HCRTR2: variants seen among roughly 807,000 people sequenced by gnomAD.
HCRTR2 encodes the protein hypocretin receptor 2.
HCRTR2 carries 22 observed loss-of-function variants against 49.0 expected under a neutral mutation model. The observed-to-expected ratio is 0.45, with a 90% CI of 0.32 to 0.64. The LOEUF (loss-of-function observed/expected upper bound fraction) is 0.64. HCRTR2 is among the 30% of genes least tolerant of loss of function. The probability of loss-of-function intolerance (pLI) is 0.04; values close to 1 mark genes in which losing one functional copy is unlikely to be tolerated. For missense variants in HCRTR2, 491 were observed against 559.4 expected (o/e 0.88, Z 1.23); for synonymous variants, 236 against 205.3 (o/e 1.15, Z -1.28).
chr6:55,112,807 C>T (rs913194142), intron 1 of HCRTR2, among the ~76,000 whole-genome samples: 1 of 151,738 alleles, frequency 6.6e-6, no homozygotes, highest in Non-Finnish European at 1.5e-5. Flanking sequence ...TCCTATGATA[C>T]CATGAAAGAG....
chr6:55,279,331 A>G (rs1229457525), intron 5 of HCRTR2, among the ~76,000 whole-genome samples: 1 of 152,110 alleles, frequency 6.6e-6, no homozygotes, highest in Non-Finnish European at 1.5e-5. Context: ...TTTCTTTACA[A>G]CAGTTCAGGT....
intron 1 of HCRTR2, among the ~76,000 whole-genome samples, chr6:55,131,981 A>G (rs146922784): frequency 3.9e-5 from 6 of 151,926 alleles, no homozygotes; most frequent in African/African-American, 1.4e-4. Context: ...TGACAGAATA[A>G]TGCCTTAAAT....
intron 1 of HCRTR2, among the ~76,000 whole-genome samples, chr6:55,137,973 A>G (rs765634883): frequency 6.6e-6 from 1 of 152,254 alleles, no homozygotes; most frequent in South Asian, 2.1e-4. Context: ...TTCATTTCCT[A>G]TTTCTTACTG....
chr6:55,108,755 A>G (rs570727594), intron 1 of HCRTR2, among the ~76,000 whole-genome samples: 28 of 152,158 alleles, frequency 1.8e-4, no homozygotes, highest in African/African-American at 6.3e-4. Context: ...CAGGGAGAAG[A>G]AAACATCTGG....
At chr6:55,211,728 C>G (rs1034657774) in intron 1 of HCRTR2, among the ~76,000 whole-genome samples, 1 of 152,134 alleles carries the variant, frequency 6.6e-6, no homozygotes, top group African/African-American at 2.4e-5. Flanking sequence ...TTTGCACATA[C>G]AGTGTTGATG....
chr6:55,158,110 C>T (rs531323470), intron 1 of HCRTR2, among the ~76,000 whole-genome samples: 1 of 152,280 alleles, frequency 6.6e-6, no homozygotes, highest in Non-Finnish European at 1.5e-5. Flanking sequence ...AGGTACCCAG[C>T]TCCTCTCATT....
At chr6:55,114,981 T>C (rs1193236297) in intron 1 of HCRTR2, among the ~76,000 whole-genome samples, 1 of 151,738 alleles carries the variant, frequency 6.6e-6, no homozygotes, top group African/African-American at 2.4e-5. Flanking sequence ...TTCAGAGGCA[T>C]GCAGACATAC....
chr6:55,164,647 A>G (rs1764851071), intron 1 of HCRTR2, among the ~76,000 whole-genome samples: 1 of 152,190 alleles, frequency 6.6e-6, no homozygotes, highest in African/African-American at 2.4e-5. Context: ...TAGGGGAGGG[A>G]TAACATTAGG....
downstream of HCRTR2, among the ~76,000 whole-genome samples, chr6:55,283,803 T>C (rs778982010): frequency 6.6e-5 from 10 of 152,222 alleles, no homozygotes; most frequent in Admixed American, 1.3e-4. Context: ...TGTTATTTTT[T>C]CATTTTTCCA....
chr6:55,235,084 A>T (rs1421065672), intron 1 of HCRTR2, among the ~76,000 whole-genome samples: 4 of 152,180 alleles, frequency 2.6e-5, no homozygotes, highest in African/African-American at 7.2e-5. Flanking sequence ...AATAACACAT[A>T]AATGTTGATT....
downstream of HCRTR2, among the ~76,000 whole-genome samples, chr6:55,283,371 A>G (rs1767233192): frequency 6.6e-6 from 1 of 152,122 alleles, no homozygotes; most frequent in Non-Finnish European, 1.5e-5. Context: ...ATGGCAGAGC[A>G]GTGAAGCTAC....
At chr6:55,242,079 A>T (rs898815565) in intron 1 of HCRTR2, among the ~76,000 whole-genome samples, 1 of 151,890 alleles carries the variant, frequency 6.6e-6, no homozygotes, top group Admixed American at 6.6e-5. Context: ...TATGTTGGCC[A>T]GTCTGGTCTC....
intron 1 of HCRTR2, among the ~76,000 whole-genome samples, chr6:55,161,086 A>G (rs1395915666): frequency 7.9e-5 from 12 of 152,146 alleles, no homozygotes; most frequent in African/African-American, 2.4e-5. Flanking sequence ...ATTGGAAGTA[A>G]AAGACTCCTC....
intron 1 of HCRTR2, among the ~76,000 whole-genome samples, chr6:55,128,677 G>A (rs1764313939): frequency 6.6e-6 from 1 of 151,974 alleles, no homozygotes; most frequent in South Asian, 2.1e-4. Context: ...TTTTTTGTGT[G>A]AATCTGCCTG....
At chr6:55,115,493 TG>T (rs1171745101) in intron 1 of HCRTR2, among the ~76,000 whole-genome samples, 105 of 151,024 alleles carry the variant, frequency 7.0e-4, no homozygotes, top group Non-Finnish European at 3.1e-4. Flanking sequence ...TGTGTGTGTG[TG>T]TGTGTGTGTG....
intron 1 of HCRTR2, among the ~76,000 whole-genome samples, chr6:55,129,342 T>C (rs1474049917): frequency 1.3e-5 from 2 of 152,102 alleles, no homozygotes; most frequent in Non-Finnish European, 2.9e-5. Context: ...ACTTCCTTAA[T>C]GTATAAGGTA....
At chr6:55,106,536 A>C (rs1763968493) in exon 1 of HCRTR2, 1 of 152,108 alleles carries the variant, frequency 6.6e-6, no homozygotes, top group Non-Finnish European at 1.5e-5. Flanking sequence ...GTGGAATTTG[A>C]GCATTCAAGG....
intron 1 of HCRTR2, among the ~76,000 whole-genome samples, chr6:55,169,089 G>A (rs554765876): frequency 1.3e-4 from 20 of 151,488 alleles, no homozygotes; most frequent in South Asian, 8.3e-4. Flanking sequence ...GACCTTTTTA[G>A]GTGTATACCT....
chr6:55,253,017 A>G (rs2127315377), intron 2 of HCRTR2, among the ~76,000 whole-genome samples: 1 of 152,152 alleles, frequency 6.6e-6, no homozygotes, highest in Middle Eastern at 3.4e-3. Context: ...AGATGAGAAA[A>G]CTGAGGAATG....
Sources: allele counts gnomAD v4.1 joint callset (sites outside exome capture counted in the v4.1 genomes callset), GRCh38; gene constraint gnomAD v4.1.1; transcripts MANE v1.5; gene names NCBI Gene and HGNC (gene_info 2026-07-23, HGNC 2026-07-21).